The following FCN2 variants were observed in gnomAD, a reference collection of about 807,000 sequenced individuals.
FCN2 encodes ficolin 2, also known as ficolin-2.
In FCN2, 31 loss-of-function variants were observed where a neutral mutation model predicts 32.5. That is an observed-to-expected ratio of 0.96 (90% CI 0.72 to 1.29). The LOEUF (loss-of-function observed/expected upper bound fraction) is 1.29. Ranked by LOEUF, FCN2 falls within the 50% of genes most tolerant of loss-of-function variation. The probability of loss-of-function intolerance (pLI) is 0.00; values close to 1 mark genes in which losing one functional copy is unlikely to be tolerated. For synonymous variants in FCN2, 181 were observed against 164.5 expected, an observed-to-expected ratio of 1.10 and a Z score of -0.77; for missense variants, 412 against 406.5, an observed-to-expected ratio of 1.01 and a Z score of -0.12.
the FCN2 span, among the ~76,000 whole-genome samples, chr9:134,869,146 C>T: frequency 5.3e-3 from 812 of 152,336 alleles, 2 homozygotes; most frequent in Non-Finnish European, 9.4e-3. Context: ...ACTCGGCCCC[C>T]GTGCCGGGGC....
At chr9:134,883,433 C>T in intron 3 of FCN2, 78 bp downstream of exon 3, 1 of 1,308,146 alleles carries the variant, frequency 7.6e-7, no homozygotes, top group Non-Finnish European at 1.1e-6. Context: ...GGCGGGTCTT[C>T]TGGGGCTGCC....
the FCN2 span, among the ~76,000 whole-genome samples, chr9:134,875,686 A>G: frequency 6.6e-6 from 1 of 152,208 alleles, no homozygotes; most frequent in East Asian, 1.9e-4. Context: ...CAGCAAGAAA[A>G]TGTATCCCTC....
At chr9:134,884,939 G>A (rs1830723109) in intron 4 of FCN2, among the ~76,000 whole-genome samples, 167 bp downstream of exon 4, 2 of 152,204 alleles carry the variant, frequency 1.3e-5, no homozygotes, top group Admixed American at 1.3e-4. Flanking sequence ...GACAAATATT[G>A]TCCAGACAAC....
chr9:134,885,123 C>T (rs949032929), intron 4 of FCN2, 116 bp from the exon 5 acceptor site: 18 of 1,425,364 alleles, frequency 1.3e-5, no homozygotes, highest in African/African-American at 7.0e-5. Flanking sequence ...CTCAGAGTCC[C>T]GCTCTGTTCA....
intron 2 of FCN2, 24 bp downstream of exon 2, chr9:134,882,663 C>A (rs776635287): frequency 2.0e-6 from 3 of 1,509,622 alleles, no homozygotes; most frequent in Admixed American, 3.4e-5. Context: ...TGGCTGGGGG[C>A]ACTGGCTCTT....
In FCN2 at chr9:134,887,194, C is replaced by A. The variant is rs923512316; in HGVS notation, c.721C>A (p.Gln241Lys). The part of the protein sequence containing the change: ...AGDSLTFHNN[Q>K]SFSTKDQDND... ...AGATTCCCTGACGTTCCACAACAAC[C>A]AGTCCTTCTCCACCAAAGACCAGGA... Residue 241 changes from glutamine (Q) to lysine (K), a missense_variant, in exon 8 of 8, where the codon CAG (glutamine) becomes AAG (lysine). Transcript: ENST00000291744. The A allele has an allele frequency of 4.3e-6, 7 of 1,614,000 alleles. No individual in the cohort carries two copies. Among genetic ancestry groups the A allele is most frequent in the African/African-American group, 1.3e-5 (1 of 74,930 alleles).
chr9:134,885,413 G>A (rs1431404112), intron 5 of FCN2, 47 bp downstream of exon 5: 1 of 1,602,014 alleles, frequency 6.2e-7, no homozygotes. Flanking sequence ...AGTCCCGGAG[G>A]CCAGGCTGCA....
At chr9:134,883,201 G>T (rs377592628) in intron 2 of FCN2, 101 bp from the exon 3 acceptor site, 1 of 1,005,418 alleles carries the variant, frequency 9.9e-7, no homozygotes, top group South Asian at 1.3e-5. Flanking sequence ...CACGAGCAGG[G>T]TCATGGTCAT....
chr9:134,872,870 CA>C, the FCN2 span, among the ~76,000 whole-genome samples: 2 of 152,096 alleles, frequency 1.3e-5, no homozygotes, highest in Non-Finnish European at 2.9e-5. Context: ...AGCAGTTTTC[CA>C]AAAAGGCTGC....
chr9:134,875,631 T>C, the FCN2 span, among the ~76,000 whole-genome samples: 1 of 152,236 alleles, frequency 6.6e-6, no homozygotes, highest in South Asian at 2.1e-4. Context: ...GGGACAGGAA[T>C]TGTGGGTAGT....
chr9:134,883,338 G>A lies in FCN2; in HGVS notation c.251G>A (p.Gly84Glu). 3 of 1,613,744 alleles carry A rather than the reference G, an allele frequency of 1.9e-6. No homozygotes were observed. The South Asian group carries it at 3.3e-5, about 18-fold the overall frequency. Residue 84 changes from glycine to glutamate, a missense_variant, in exon 3 of 8, where the codon GGA (glycine) becomes GAA (glutamate). By Grantham distance (98) the Gly-to-Glu change is moderately conservative. Transcript: ENST00000291744. ...RGPPGPPGKA[G>E]PPGPNGAPGE... ...CCCCCTGGACCTCCTGGGAAGGCAG[G>A]ACCACCTGGGCCCAACGGTAAGGAG...
chr9:134,877,729 C>G (rs1157006861), upstream of FCN2, among the ~76,000 whole-genome samples: 2 of 144,988 alleles, frequency 1.4e-5, no homozygotes, highest in Non-Finnish European at 2.9e-5. Context: ...TGGTCTGTCT[C>G]CTGTGTACAG....
chr9:134,879,202 A>G (rs1363811647), upstream of FCN2, among the ~76,000 whole-genome samples: 2 of 152,218 alleles, frequency 1.3e-5, no homozygotes, highest in East Asian at 1.9e-4. Context: ...TGCCAAATCA[A>G]TTACTCAATT....
At chr9:134,866,434 A>T in the FCN2 span, among the ~76,000 whole-genome samples, 1 of 149,156 alleles carries the variant, frequency 6.7e-6, no homozygotes, top group Non-Finnish European at 1.5e-5. Flanking sequence ...CTGGCTAGCC[A>T]TATGTAGAAA....
intron 1 of FCN2, among the ~76,000 whole-genome samples, chr9:134,881,850 G>A (rs1231230779): frequency 2.0e-5 from 3 of 152,160 alleles, no homozygotes; most frequent in Non-Finnish European, 4.4e-5. Context: ...TCAAATAATA[G>A]CACGTGTTAT....
chr9:134,883,411 A>G (rs921889936), intron 3 of FCN2, 56 bp downstream of exon 3: 2 of 1,494,590 alleles, frequency 1.3e-6, no homozygotes, highest in Non-Finnish European at 1.9e-6. Flanking sequence ...ACCTGGCTGC[A>G]GAGGAACGTG....
chr9:134,886,908 C>G (rs368451585), intron 7 of FCN2, among the ~76,000 whole-genome samples: 1 of 152,090 alleles, frequency 6.6e-6, no homozygotes, highest in East Asian at 1.9e-4. Context: ...TGATCCTGAC[C>G]CCTGCCTCCT....
At chr9:134,882,503 T>G (rs955985619) in intron 1 of FCN2, 23 bp from the exon 2 acceptor site, 2 of 1,578,812 alleles carry the variant, frequency 1.3e-6, no homozygotes, top group Non-Finnish European at 1.7e-6. Flanking sequence ...TGACACTGAG[T>G]GGCCACCTGT....
upstream of FCN2, chr9:134,880,723 C>T (rs958794859): frequency 5.2e-5 from 49 of 942,870 alleles, 1 homozygote; most frequent in Middle Eastern, 4.2e-4. Flanking sequence ...GGAGAGGAAG[C>T]GGCTGTCACT....
Sources: gnomAD v4.1 joint callset for allele counts (sites outside exome capture counted in the v4.1 genomes callset) on GRCh38, gnomAD v4.1.1 for gene constraint, MANE v1.5 for transcripts, NCBI Gene and HGNC (gene_info 2026-07-23, HGNC 2026-07-21) for gene names.